Variants in DIS3 observed in about 807,000 individuals in gnomAD.
The protein encoded by DIS3 is DIS3 exosome endoribonuclease and 3'-5' exoribonuclease.
Under a neutral mutation model 113.0 loss-of-function variants are expected in DIS3, and 103 were observed. The ratio of observed to expected loss-of-function variants is 0.91; its 90% CI spans 0.78 to 1.07. The LOEUF is 1.07. Ranked by LOEUF, DIS3 falls within the 50% of genes least tolerant of loss-of-function variation. DIS3 has a pLI of 0.00. For synonymous variants in DIS3, 402 were observed against 394.3 expected (o/e 1.02, Z -0.23); for missense variants, 1,121 against 1,167.1 (o/e 0.96, Z 0.58).
rs1207777985 is a variant in DIS3 at position 72,753,995 on chromosome 13, C to T, written c.*5800G>A. 3.1e-6 allele frequency: 2 copies of T among 635,348 alleles called. No homozygotes were observed. Among genetic ancestry groups the T allele is most frequent in the Non-Finnish European group, 5.2e-6 (2 of 383,798 alleles). The allele number at this position is 635,348 out of a possible 1,614,324, so 39.4% of individuals were successfully genotyped here. ...AAATATTTTGGTTACTCTGAATACA[C>T]AAGTATCTTACATACTACAAAGTGT... On this transcript the variant is annotated 3_prime_UTR_variant, in exon 21 of 21. Coordinates refer to ENST00000377767, the MANE Select transcript of DIS3 (RefSeq NM_014953.5).
In DIS3 at chr13:72,755,249, A is replaced by T. The variant is rs1302265082; in HGVS notation, c.*4546T>A. On this transcript the variant is annotated 3_prime_UTR_variant, in exon 21 of 21. Coordinates refer to ENST00000377767, the MANE Select transcript of DIS3 (RefSeq NM_014953.5). The stretch of plus-strand genomic sequence containing the variant: ...CTGTCAGAATCAAAGACTAAGCTTA[A>T]GAGTTCCTCGCATATATCGTTGTGC... 1.3e-6 allele frequency: 2 copies of T among 1,559,506 alleles called. No individual in the cohort carries two copies. Among genetic ancestry groups the T allele is most frequent in the East Asian group, 4.5e-5 (2 of 44,606 alleles).
intron 15 of DIS3, among the ~76,000 whole-genome samples, chr13:72,765,038 G>A (rs187408891): frequency 3.8e-4 from 58 of 152,034 alleles, no homozygotes; most frequent in African/African-American, 1.2e-3. Flanking sequence ...TTAACCCTTG[G>A]TCATCTATTA....
rs2138125437 is a variant in DIS3 at position 72,755,600 on chromosome 13, T to A, written c.*4195A>T. 2.9e-6 allele frequency: 1 copy of A among 345,094 alleles called. No individual in the cohort carries two copies. The highest frequency in any genetic ancestry group is 7.5e-4 in the Middle Eastern group (1 of 1,330). 21.4% of individuals were successfully genotyped at this position (345,094 alleles called of 1,614,324 possible). A position where few individuals can be genotyped will look rare whatever the true frequency, so the allele number is the denominator to read the frequency against. On this transcript the variant is annotated 3_prime_UTR_variant, in exon 21 of 21. Coordinates refer to ENST00000377767, the MANE Select transcript of DIS3 (RefSeq NM_014953.5). ...CTATGTTAAAACTGAAGGCACTATA[T>A]ATTTTTACATAAAAGCTTGAACATA...
rs769002260 is a variant in DIS3 at position 72,761,823 on chromosome 13, A to G, written c.2343-9T>C. On this transcript the variant is annotated splice_polypyrimidine_tract_variant and intron_variant, in intron 17 of 20. Coordinates refer to ENST00000377767, the MANE Select transcript of DIS3 (RefSeq NM_014953.5). ...CAATGACATCTGCGTATCTAGATAG[A>G]TGGAAAAATAAGAACCATGGTATGT... 2.5e-6 allele frequency: 4 copies of G among 1,609,704 alleles called. No individual in the cohort carries two copies. In the South Asian group the frequency reaches 3.3e-5, roughly 13 times the overall value.
At chr13:72,781,184 T>TAAAAAA (rs1027153264) in intron 1 of DIS3, 181 bp from the exon 2 acceptor site, 1 of 1,449,110 alleles carries the variant, frequency 6.9e-7, no homozygotes. Context: ...TCAGATCTAT[T>TAAAAAA]AAAAAAAGCA....
intron 1 of DIS3, 121 bp from the exon 2 acceptor site, chr13:72,781,124 G>T: frequency 7.4e-7 from 1 of 1,345,398 alleles, no homozygotes; most frequent in Non-Finnish European, 1.0e-6. Context: ...AATAAGTTAA[G>T]CCAAGAAGCT....
chr13:72,765,263 G>A (rs191078878), intron 15 of DIS3, among the ~76,000 whole-genome samples: 295 of 152,224 alleles, frequency 1.9e-3, no homozygotes, highest in Non-Finnish European at 3.3e-3. Flanking sequence ...ATTGAGGCAT[G>A]GAGAAGTCAA....
chr13:72,777,527 T>C (rs1401419065), intron 3 of DIS3, 34 bp from the exon 4 acceptor site: 3 of 1,590,038 alleles, frequency 1.9e-6, no homozygotes, highest in Admixed American at 1.7e-5. Flanking sequence ...TTTTGATAAG[T>C]GTTTTTTCCT....
rs1422397168 is a variant in DIS3 at position 72,752,450 on chromosome 13, A to C, written c.*7345T>G. ...TCCTGCTCTTCCCATAGTGTGGGAC[A>C]AACTCCCCGCATGCCTTACTTCCTG... On this transcript the variant is annotated 3_prime_UTR_variant, in exon 21 of 21. Coordinates refer to ENST00000377767, the MANE Select transcript of DIS3 (RefSeq NM_014953.5). 2 of 152,212 alleles carry C rather than the reference A, an allele frequency of 1.3e-5. No homozygotes were observed. The highest frequency in any genetic ancestry group is 4.8e-5 in the African/African-American group (2 of 41,454). 9.4% of individuals were successfully genotyped at this position (152,212 alleles called of 1,614,324 possible). A position where few individuals can be genotyped will look rare whatever the true frequency, so the allele number is the denominator to read the frequency against.
chr13:72,762,146 A>C lies in DIS3; in HGVS notation c.2128-9T>G. Reference sequence around the variant, plus strand: ...GTCTTAATTTCCAAATTCTGTAAACAAAAAGGAGGGAAGAGCACCATATTA... The same window carrying C: ...GTCTTAATTTCCAAATTCTGTAAACCAAAAGGAGGGAAGAGCACCATATTA... On this transcript the variant is annotated splice_polypyrimidine_tract_variant and intron_variant, in intron 16 of 20. Transcript: ENST00000377767. 6.2e-7 allele frequency: 1 copy of C among 1,610,616 alleles called. No individual in the cohort carries two copies. Among genetic ancestry groups the C allele is most frequent in the Non-Finnish European group, 8.5e-7 (1 of 1,178,098 alleles).
chr13:72,778,169 T>C lies in DIS3; in HGVS notation c.580+18A>G, dbSNP rs1464919771. The C allele has an allele frequency of 6.4e-7, 1 of 1,555,428 alleles. No individual in the cohort carries two copies. Among genetic ancestry groups the C allele is most frequent in the East Asian group, 2.3e-5 (1 of 44,072 alleles). ...GCATTTGCAAACATGCACTAAGTAC[T>C]TCTACATTTAGACTTACAAGTGAAA... On this transcript the variant is annotated intron_variant, in intron 3 of 20. Coordinates refer to ENST00000377767, the MANE Select transcript of DIS3 (RefSeq NM_014953.5).
rs541536936 is a variant in DIS3 at position 72,762,029 on chromosome 13, G to T, written c.2236C>A (p.Arg746Ser). 20 of 1,613,956 alleles carry T rather than the reference G, an allele frequency of 1.2e-5. No homozygotes were observed. The highest frequency in any genetic ancestry group is 1.7e-5 in the Admixed American group (1 of 60,000). The change falls in exon 17 of 21, where the codon CGC becomes AGC. Residue 746 changes from arginine (R) to serine (S), a missense_variant. Physicochemically the swap from Arg to Ser is moderately radical, Grantham distance 110. This residue lies in a region of DIS3 where 861 missense variants were observed against 915.5 expected (regional missense o/e 0.94). Transcript: ENST00000377767. The stretch of plus-strand genomic sequence containing the variant: ...AAGTACACAGCTTGCATCATACAGC[G>T]AGTGGCTAATATTCTCAACAGAGTG... ...LNTLLRILAT[R>S]CMMQAVYFCS... is the part of the protein sequence containing the mutation.
intron 6 of DIS3, 46 bp from the exon 7 acceptor site, chr13:72,774,105 TA>T (rs765857453): frequency 7.5e-7 from 1 of 1,325,780 alleles, no homozygotes; most frequent in Non-Finnish European, 1.0e-6. Context: ...CTCTAAGTAT[TA>T]TCAGGCAATT....
Position 72,775,194 on chromosome 13 carries a change from CCTG to C in DIS3, c.987+14_987+16del. On this transcript the variant is annotated intron_variant, in intron 6 of 20. Transcript: ENST00000377767. ...CAAAGCTACACAGACAAAAAAAAAT[CCTG>C]CTTAGATTCATACCATTCGTTCTGT... The C allele has an allele frequency of 6.3e-7, 1 of 1,584,050 alleles. No individual in the cohort carries two copies. The highest frequency in any genetic ancestry group is 8.6e-7 in the Non-Finnish European group (1 of 1,167,268).
chr13:72,781,238 TTAA>T lies in DIS3; in HGVS notation c.229-238_229-236del, dbSNP rs1163457510. ...ACAAGACTTCGTAGAATTAAGGGTATTAATAAAGGAATACGTTGGCCCACATAG... is the reference window on the plus strand; with the variant it reads ...ACAAGACTTCGTAGAATTAAGGGTATTAAAGGAATACGTTGGCCCACATAG... On this transcript the variant is annotated intron_variant, in intron 1 of 20. Transcript: ENST00000377767. 11 of 1,539,188 alleles carry T rather than the reference TTAA, an allele frequency of 7.1e-6. No individual in the cohort carries two copies. In the African/African-American group the frequency reaches 8.2e-5, roughly 12 times the overall value.
At chr13:72,770,774 T>C in intron 13 of DIS3, 130 bp downstream of exon 13, 1 of 433,256 alleles carries the variant, frequency 2.3e-6, no homozygotes, top group Non-Finnish European at 3.9e-6. Context: ...AACATCTCTT[T>C]TCAAATATAT....
intron 14 of DIS3, among the ~76,000 whole-genome samples, chr13:72,767,260 T>A (rs1400362347): frequency 6.6e-6 from 1 of 152,114 alleles, no homozygotes; most frequent in Admixed American, 6.6e-5. Context: ...AAATACAGAC[T>A]GCTGAAATTA....
chr13:72,761,350 A>G lies in DIS3; in HGVS notation c.2670+13T>C. ...CCCCCCGGAAAAGAAAACAAACATG[A>G]GAAATACCGTACCTCATCATCATAA... On this transcript the variant is annotated intron_variant, in intron 19 of 20. Transcript: ENST00000377767. The G allele has an allele frequency of 6.3e-7, 1 of 1,585,762 alleles. No homozygotes were observed. Among genetic ancestry groups the G allele is most frequent in the Admixed American group, 2.0e-5 (1 of 50,512 alleles).
intron 1 of DIS3, chr13:72,781,226 G>A: frequency 6.5e-7 from 1 of 1,529,100 alleles, no homozygotes. Flanking sequence ...AGACTTCGTA[G>A]AATTAAGGGT....
Sources: allele counts gnomAD v4.1 joint callset (sites outside exome capture counted in the v4.1 genomes callset), GRCh38; gene constraint gnomAD v4.1.1; regional missense constraint gnomAD v4.1.1; transcripts MANE v1.5; gene names NCBI Gene and HGNC (gene_info 2026-07-23, HGNC 2026-07-21).